PPFIA2: variants seen among roughly 807,000 people sequenced by gnomAD.
The protein encoded by PPFIA2 is PPFI scaffold protein A2, also known as liprin-alpha-2.
In PPFIA2, 46 loss-of-function variants were observed where a neutral mutation model predicts 175.5. That is an observed-to-expected ratio of 0.26 (90% confidence interval 0.21 to 0.34). The LOEUF (loss-of-function observed/expected upper bound fraction) is 0.34, where lower values mean the gene tolerates loss of function less well. Ranked by LOEUF, PPFIA2 falls within the 10% of genes least tolerant of loss-of-function variation. The pLI is 1.00. For missense variants in PPFIA2, 1,179 were observed against 1,506.1 expected (o/e 0.78, Z 3.60); for synonymous variants, 568 against 511.4 (o/e 1.11, Z -1.49).
intron 8 of PPFIA2, among the ~76,000 whole-genome samples, chr12:81,391,582 C>T (rs974662525): frequency 3.9e-5 from 6 of 151,908 alleles, no homozygotes; most frequent in Non-Finnish European, 8.8e-5. Flanking sequence ...TAAAGCCATT[C>T]CTATCTGTAA....
At chr12:81,578,564 G>A (rs962015741) in intron 4 of PPFIA2, among the ~76,000 whole-genome samples, 7 of 151,700 alleles carry the variant, frequency 4.6e-5, no homozygotes, top group African/African-American at 1.7e-4. Flanking sequence ...TCATGACGAG[G>A]ATGATGATCA....
intron 8 of PPFIA2, among the ~76,000 whole-genome samples, chr12:81,400,566 G>A (rs1260357912): frequency 6.6e-6 from 1 of 152,072 alleles, no homozygotes; most frequent in Non-Finnish European, 1.5e-5. Flanking sequence ...CTAAAGAACT[G>A]AAAACATGCA....
chr12:81,668,749 G>A (rs1456240413), intron 4 of PPFIA2, among the ~76,000 whole-genome samples: 1 of 151,904 alleles, frequency 6.6e-6, no homozygotes, highest in Non-Finnish European at 1.5e-5. Flanking sequence ...ACAAGTCTGT[G>A]GTGAATATGT....
chr12:81,496,359 A>G (rs1303047166), intron 4 of PPFIA2, among the ~76,000 whole-genome samples: 1 of 152,160 alleles, frequency 6.6e-6, no homozygotes, highest in Non-Finnish European at 1.5e-5. Context: ...TTTTGGAGAC[A>G]ATTGCAGAAA....
At chr12:81,321,280 C>A (rs1392245841) in intron 22 of PPFIA2, among the ~76,000 whole-genome samples, 2 of 151,918 alleles carry the variant, frequency 1.3e-5, no homozygotes, top group Non-Finnish European at 2.9e-5. Flanking sequence ...TGCCACTTGC[C>A]CTATCATCAC....
intron 4 of PPFIA2, among the ~76,000 whole-genome samples, chr12:81,525,904 T>C (rs1387018083): frequency 6.6e-6 from 1 of 152,124 alleles, no homozygotes; most frequent in Admixed American, 6.6e-5. Flanking sequence ...GCTAGAATAA[T>C]ATAGATACAC....
Position 81,642,704 on chromosome 12 carries a change from A to ATGTATATATTATATACATACATGTACG in PPFIA2, c.303+34086_303+34087insCGTACATGTATGTATATAATATATACA, listed in dbSNP as rs2065261203. 2.1e-4 allele frequency among the ~76,000 whole-genome samples: 2 copies of ATGTATATATTATATACATACATGTACG among 9,462 alleles called. 1 individual carries two copies. The highest frequency in any genetic ancestry group is 3.3e-3 in the Admixed American group (2 of 608). The allele number at this position is 9,462 out of a possible 152,430, so 6.2% of individuals were successfully genotyped here. On this transcript the variant is annotated intron_variant, in intron 4 of 32. Coordinates refer to ENST00000549396, the MANE Select transcript of PPFIA2 (RefSeq NM_003625.5). ...GTATCTATTATATACATACATGTATATGTATGTATGTATTATATACATACA... is the reference window on the plus strand; with the variant it reads ...GTATCTATTATATACATACATGTATATGTATATATTATATACATACATGTACGTGTATGTATGTATTATATACATACA...
At chr12:81,702,904 A>G (rs561867393) in intron 3 of PPFIA2, among the ~76,000 whole-genome samples, 1 of 152,238 alleles carries the variant, frequency 6.6e-6, no homozygotes, top group African/African-American at 2.4e-5. Context: ...CAAGAAGGCA[A>G]CTATCTGCAA....
chr12:81,404,372 C>CT (rs1029318469), intron 8 of PPFIA2, among the ~76,000 whole-genome samples: 17 of 152,074 alleles, frequency 1.1e-4, no homozygotes, highest in African/African-American at 4.1e-4. Flanking sequence ...AATTGTGATT[C>CT]TATAATTCTC....
chr12:81,527,812 A>G (rs918818388), intron 4 of PPFIA2, among the ~76,000 whole-genome samples: 1 of 152,088 alleles, frequency 6.6e-6, no homozygotes, highest in East Asian at 1.9e-4. Context: ...AGGAGTCCTA[A>G]GAGAGCCTGC....
At chr12:81,561,182 C>T (rs1008195112) in intron 4 of PPFIA2, among the ~76,000 whole-genome samples, 1 of 152,128 alleles carries the variant, frequency 6.6e-6, no homozygotes, top group Admixed American at 6.5e-5. Flanking sequence ...AAGACCCAGG[C>T]TGTGTATATG....
chr12:81,665,149 C>T (rs949246908), intron 4 of PPFIA2, among the ~76,000 whole-genome samples: 1 of 151,948 alleles, frequency 6.6e-6, no homozygotes, highest in Non-Finnish European at 1.5e-5. Flanking sequence ...AACAAACCTG[C>T]ACGTTGTGCA....
At chr12:81,613,040 T>C (rs2061087920) in intron 4 of PPFIA2, among the ~76,000 whole-genome samples, 1 of 152,210 alleles carries the variant, frequency 6.6e-6, no homozygotes. Context: ...AAGAGTTTTG[T>C]TTTTGTTGGT....
At chr12:81,412,546 A>G (rs1307167620) in intron 7 of PPFIA2, among the ~76,000 whole-genome samples, 2 of 151,958 alleles carry the variant, frequency 1.3e-5, no homozygotes, top group African/African-American at 4.8e-5. Flanking sequence ...GGCAACAACC[A>G]CAATTGCTTT....
At chr12:81,345,174 T>G (rs1182648974) in intron 18 of PPFIA2, among the ~76,000 whole-genome samples, 1 of 152,056 alleles carries the variant, frequency 6.6e-6, no homozygotes, top group Non-Finnish European at 1.5e-5. Flanking sequence ...GATCTCAAAA[T>G]TTTTGGCATC....
rs982348552 is a variant in PPFIA2, at chr12:81,736,485, A to C, written c.249+17488T>G. On this transcript the variant is annotated intron_variant, in intron 3 of 32. Transcript: ENST00000549396. ...TTTTAATAAAGGCAGTAACACAGTC[A>C]GATTTTAATAAAGGCAGTAGCACAG... Among the ~76,000 whole-genome samples the C allele has an allele frequency of 3.9e-5, 6 of 152,048 alleles. No homozygotes were observed. In the South Asian group the frequency reaches 6.2e-4, roughly 16 times the overall value.
intron 4 of PPFIA2, 165 bp downstream of exon 4, chr12:81,676,626 C>T (rs1293840624): frequency 7.2e-6 from 3 of 414,094 alleles, no homozygotes; most frequent in Non-Finnish European, 1.3e-5. Flanking sequence ...AAACACCAGC[C>T]CACACCTCAA....
chr12:81,297,282 T>G (rs2046710340), intron 23 of PPFIA2, among the ~76,000 whole-genome samples: 1 of 152,228 alleles, frequency 6.6e-6, no homozygotes, highest in African/African-American at 2.4e-5. Context: ...TCCTGACCCA[T>G]AGAAGTCATG....
intron 4 of PPFIA2, among the ~76,000 whole-genome samples, chr12:81,655,509 C>A (rs548689292): frequency 2.0e-5 from 3 of 151,690 alleles, no homozygotes; most frequent in Admixed American, 1.3e-4. Flanking sequence ...CAAAATGAAT[C>A]AAAAAAATTC....
Sources: gnomAD v4.1 joint callset for allele counts (sites outside exome capture counted in the v4.1 genomes callset) on GRCh38, gnomAD v4.1.1 for gene constraint, MANE v1.5 for transcripts, NCBI Gene and HGNC (gene_info 2026-07-23, HGNC 2026-07-21) for gene names.